Variants in SEL1L3 observed in about 807,000 individuals in gnomAD.
SEL1L3 encodes the protein SEL1L family member 3, also known as protein sel-1 homolog 3.
A neutral mutation model predicts 142.8 loss-of-function variants in SEL1L3; 76 were observed. The ratio of observed to expected loss-of-function variants is 0.53; its 90% CI spans 0.44 to 0.64. The LOEUF is 0.64. Ranked by LOEUF, SEL1L3 falls within the 30% of genes least tolerant of loss-of-function variation. The pLI is 0.00. For missense variants in SEL1L3, 1,262 were observed against 1,381.7 expected (o/e 0.91, Z 1.37); for synonymous variants, 504 against 519.6 (o/e 0.97, Z 0.41).
chr4:25,755,924 T>A (rs955194058), intron 23 of SEL1L3: 1 of 985,168 alleles, frequency 1.0e-6, no homozygotes, highest in Non-Finnish European at 1.2e-6. Flanking sequence ...GCAACAAATT[T>A]AAGGATGGGA....
chr4:25,756,474 T>C (rs146493649), intron 23 of SEL1L3: 1 of 985,348 alleles, frequency 1.0e-6, no homozygotes, highest in East Asian at 1.1e-4. Flanking sequence ...GTAAGTATCT[T>C]ACGTGCATTT....
At chr4:25,725,589 C>T in the SEL1L3 span, among the ~76,000 whole-genome samples, 34 of 152,252 alleles carry the variant, frequency 2.2e-4, no homozygotes, top group African/African-American at 7.2e-4. Context: ...TGTGGGATTA[C>T]AGGTGTGAGC....
rs778609536 is a variant in SEL1L3 at position 25,767,563 on chromosome 4, T to C, written c.2807A>G (p.Tyr936Cys). The C allele has an allele frequency of 6.2e-6, 10 of 1,601,760 alleles. No homozygotes were observed. In the African/African-American group the frequency reaches 8.0e-5, roughly 13 times the overall value. The change falls in exon 19 of 24, where the codon TAT (tyrosine) becomes TGT (cysteine). Residue 936 changes from tyrosine to cysteine, a missense_variant. By Grantham distance (194) the Tyr-to-Cys change is radical (BLOSUM62 -2). This residue lies in a region of SEL1L3 where 435 missense variants were observed against 559.2 expected (regional missense o/e 0.78). Coordinates refer to ENST00000399878, the MANE Select transcript of SEL1L3 (RefSeq NM_015187.5). ...YLGVNCVWRY[Y>C]NFSVFQIDAP... ...ATCGATTTGAAAAACAGAGAAATTA[T>C]AGTATCTCCAAACACAGTTAACACC...
At chr4:25,757,139 A>G (rs1718021305) in intron 23 of SEL1L3, among the ~76,000 whole-genome samples, 1 of 151,922 alleles carries the variant, frequency 6.6e-6, no homozygotes, top group African/African-American at 2.4e-5. Flanking sequence ...GTGGTGGCGC[A>G]CACCTGTAGT....
At chr4:25,715,646 C>A in the SEL1L3 span, among the ~76,000 whole-genome samples, 8 of 151,800 alleles carry the variant, frequency 5.3e-5, no homozygotes, top group Non-Finnish European at 8.8e-5. Context: ...TTGTTTGTAA[C>A]AACAAAATAT....
intron 13 of SEL1L3, among the ~76,000 whole-genome samples, chr4:25,787,080 G>C (rs928065579): frequency 6.6e-6 from 1 of 152,212 alleles, no homozygotes; most frequent in African/African-American, 2.4e-5. Context: ...TGATGTCTCT[G>C]TATTTGGGGA....
chr4:25,820,502 G>A lies in SEL1L3; in HGVS notation c.1291-562C>T, dbSNP rs1714683638. Among the ~76,000 whole-genome samples, 5 of 152,178 alleles carry A rather than the reference G, an allele frequency of 3.3e-5. No homozygotes were observed. The South Asian group carries it at 1.0e-3, about 32-fold the overall frequency. On this transcript the variant is annotated intron_variant, in intron 7 of 23. Transcript: ENST00000399878. ...TCATGAATTCCCTGTTTAAGATCCC[G>A]AAAGGGAGCGCCTCAGGAACAAGGG...
chr4:25,756,177 A>C, intron 23 of SEL1L3: 1 of 985,410 alleles, frequency 1.0e-6, no homozygotes, highest in Non-Finnish European at 1.2e-6. Context: ...TCCAGTCCTA[A>C]TCTACCCATT....
intron 2 of SEL1L3, among the ~76,000 whole-genome samples, chr4:25,842,714 C>T (rs1716247753): frequency 6.6e-6 from 1 of 152,236 alleles, no homozygotes; most frequent in African/African-American, 2.4e-5. Context: ...TGGTTAAGAG[C>T]ATTCATTCAA....
At chr4:25,809,260 C>T (rs1713849684) in intron 9 of SEL1L3, among the ~76,000 whole-genome samples, 1 of 151,376 alleles carries the variant, frequency 6.6e-6, no homozygotes, top group African/African-American at 2.4e-5. Flanking sequence ...TCTCCTGCCT[C>T]AGTTCCCGAG....
At chr4:25,862,454 G>A (rs1717784613) in intron 1 of SEL1L3, among the ~76,000 whole-genome samples, 1 of 152,264 alleles carries the variant, frequency 6.6e-6, no homozygotes, top group East Asian at 1.9e-4. Flanking sequence ...AAAGGAATGA[G>A]CACGAGCGAG....
chr4:25,733,722 T>C, the SEL1L3 span, among the ~76,000 whole-genome samples: 1 of 152,154 alleles, frequency 6.6e-6, no homozygotes, highest in East Asian at 1.9e-4. Flanking sequence ...GGTTTCACTA[T>C]GACTGGTCTC....
chr4:25,766,087 A>G (rs895302378), intron 19 of SEL1L3, among the ~76,000 whole-genome samples: 1 of 152,180 alleles, frequency 6.6e-6, no homozygotes, highest in East Asian at 1.9e-4. Flanking sequence ...TGTTTTTGGT[A>G]ACTCTTTGCT....
intron 11 of SEL1L3, among the ~76,000 whole-genome samples, chr4:25,800,480 C>T (rs1713099146): frequency 6.6e-6 from 1 of 152,156 alleles, no homozygotes; most frequent in African/African-American, 2.4e-5. Context: ...ATTTCATATG[C>T]CAAATCTTCA....
the SEL1L3 span, among the ~76,000 whole-genome samples, chr4:25,729,746 C>T: frequency 6.6e-6 from 1 of 152,014 alleles, no homozygotes. Context: ...ATATATTTAG[C>T]CAACCCATTT....
In SEL1L3 at chr4:25,839,950, G is replaced by A. The variant is rs144687670; in HGVS notation, c.734-4627C>T. 2.0e-3 allele frequency among the ~76,000 whole-genome samples: 297 copies of A among 152,218 alleles called. 1 individual carries two copies. The highest frequency in any genetic ancestry group is 7.0e-3 in the African/African-American group (290 of 41,534). On this transcript the variant is annotated intron_variant, in intron 2 of 23. Coordinates refer to ENST00000399878, the MANE Select transcript of SEL1L3 (RefSeq NM_015187.5). ...CAAAGTCCAGTGGGTGAAGAAAACAGGATGATTCACATCGATAAAAATTCA... is the reference window on the plus strand; with the variant it reads ...CAAAGTCCAGTGGGTGAAGAAAACAAGATGATTCACATCGATAAAAATTCA...
chr4:25,781,099 C>T (rs1719969942), intron 15 of SEL1L3, among the ~76,000 whole-genome samples: 1 of 152,046 alleles, frequency 6.6e-6, no homozygotes. Context: ...CCTGCCTCAG[C>T]CTCCCAAAGT....
chr4:25,724,216 C>T, the SEL1L3 span, among the ~76,000 whole-genome samples: 4 of 151,912 alleles, frequency 2.6e-5, no homozygotes, highest in Admixed American at 6.6e-5. Flanking sequence ...GTCAGGAGTT[C>T]GAGACTAGCC....
chr4:25,856,368 G>A (rs73260011), intron 1 of SEL1L3, among the ~76,000 whole-genome samples: 9,746 of 152,088 alleles, frequency 0.064, 449 homozygotes, highest in Non-Finnish European at 0.1. Context: ...GGGCATCTGT[G>A]CCCCTCAAAT....
Sources: allele counts gnomAD v4.1 joint callset (sites outside exome capture counted in the v4.1 genomes callset), GRCh38; gene constraint gnomAD v4.1.1; regional missense constraint gnomAD v4.1.1; transcripts MANE v1.5; gene names NCBI Gene and HGNC (gene_info 2026-07-23, HGNC 2026-07-21).